The following GRIK2 variants were observed in gnomAD, a reference collection of about 807,000 sequenced individuals.
GRIK2 encodes glutamate ionotropic receptor kainate type subunit 2.
In GRIK2, 32 loss-of-function variants were observed where a neutral mutation model predicts 100.3. The ratio of observed to expected loss-of-function variants is 0.32; its 90% CI spans 0.24 to 0.43. The LOEUF (loss-of-function observed/expected upper bound fraction) is 0.43. GRIK2 is among the 20% of genes least tolerant of loss of function. The pLI is 1.00. For missense variants in GRIK2, 843 were observed against 1,114.9 expected (o/e 0.76, Z 3.47); for synonymous variants, 417 against 389.4 (o/e 1.07, Z -0.83).
intron 12 of GRIK2, among the ~76,000 whole-genome samples, chr6:101,909,230 TAAG>T (rs978108894): frequency 6.6e-6 from 1 of 150,404 alleles, no homozygotes; most frequent in Non-Finnish European, 1.5e-5. Context: ...GTACACCAAA[TAAG>T]AAAAAAATAT....
intron 10 of GRIK2, among the ~76,000 whole-genome samples, chr6:101,845,080 G>T (rs1783731745): frequency 6.6e-6 from 1 of 151,872 alleles, no homozygotes; most frequent in Non-Finnish European, 1.5e-5. Flanking sequence ...GAGAGTAGTG[G>T]TGCTATCATA....
chr6:101,831,935 A>C (rs571595126), intron 10 of GRIK2, among the ~76,000 whole-genome samples: 1 of 152,258 alleles, frequency 6.6e-6, no homozygotes, highest in African/African-American at 2.4e-5. Flanking sequence ...AGAATGCCTA[A>C]AATATAGTTT....
chr6:101,860,298 G>A (rs1562445327), intron 11 of GRIK2, among the ~76,000 whole-genome samples: 1 of 152,102 alleles, frequency 6.6e-6, no homozygotes, highest in Non-Finnish European at 1.5e-5. Flanking sequence ...ATAGTCTCTG[G>A]TTGGAAGCCA....
intron 12 of GRIK2, among the ~76,000 whole-genome samples, chr6:101,908,631 AATT>A (rs1348526725): frequency 2.0e-5 from 3 of 151,394 alleles, no homozygotes; most frequent in Non-Finnish European, 4.4e-5. Context: ...AATAGTAAAT[AATT>A]ATATAAAATA....
intron 4 of GRIK2, among the ~76,000 whole-genome samples, chr6:101,654,697 C>T (rs187066393): frequency 2.0e-3 from 311 of 152,230 alleles, no homozygotes; most frequent in Admixed American, 5.6e-3. Flanking sequence ...ACACTTCACC[C>T]GTGTCCCACC....
chr6:101,924,756 T>C (rs773566956), intron 13 of GRIK2, 37 bp downstream of exon 13: 3 of 1,274,604 alleles, frequency 2.4e-6, no homozygotes, highest in South Asian at 1.2e-5. Context: ...TTGGGCACCA[T>C]GTCCCACTCT....
intron 2 of GRIK2, among the ~76,000 whole-genome samples, chr6:101,442,934 A>G (rs987974661): frequency 1.3e-5 from 2 of 152,178 alleles, no homozygotes; most frequent in Admixed American, 6.6e-5. Context: ...CAAATAAATA[A>G]CATAAGATTC....
At chr6:101,440,150 GAAAAATA>G (rs1769962670) in intron 2 of GRIK2, among the ~76,000 whole-genome samples, 1 of 151,968 alleles carries the variant, frequency 6.6e-6, no homozygotes, top group Non-Finnish European at 1.5e-5. Context: ...GGGTATCAAA[GAAAAATA>G]TTTCCCTGGA....
chr6:101,731,276 T>C (rs1775249931), intron 7 of GRIK2, among the ~76,000 whole-genome samples: 1 of 152,020 alleles, frequency 6.6e-6, no homozygotes, highest in African/African-American at 2.4e-5. Flanking sequence ...AGTTACTCTA[T>C]TGTTTTTATG....
At chr6:101,605,679 C>CA (rs1779409726) in intron 2 of GRIK2, among the ~76,000 whole-genome samples, 1 of 151,834 alleles carries the variant, frequency 6.6e-6, no homozygotes, top group Admixed American at 6.6e-5. Flanking sequence ...ACTCCGTCTC[C>CA]AAAAAACAAA....
chr6:101,441,976 AG>A (rs35651392), intron 2 of GRIK2, among the ~76,000 whole-genome samples: 3 of 147,422 alleles, frequency 2.0e-5, no homozygotes, highest in Non-Finnish European at 4.5e-5. Context: ...AAAAAAAAAA[AG>A]GGGTGAACAG....
At chr6:101,595,732 A>G (rs1778898503) in intron 2 of GRIK2, among the ~76,000 whole-genome samples, 2 of 147,642 alleles carry the variant, frequency 1.4e-5, no homozygotes, top group Admixed American at 6.8e-5. Context: ...ATATATATAT[A>G]TATATATATT....
intron 2 of GRIK2, chr6:101,430,975 G>A (rs144353287): frequency 1.1e-5 from 3 of 276,992 alleles, no homozygotes; most frequent in Non-Finnish European, 2.3e-5. Context: ...ATGGCACTGT[G>A]TAAGTGACCC....
At chr6:101,894,891 C>T (rs763710216) in intron 12 of GRIK2, among the ~76,000 whole-genome samples, 10 of 151,618 alleles carry the variant, frequency 6.6e-5, no homozygotes, top group Non-Finnish European at 1.2e-4. Flanking sequence ...TAACTGAAGA[C>T]CAAACCTAAA....
intron 2 of GRIK2, among the ~76,000 whole-genome samples, chr6:101,463,767 A>G (rs763705967): frequency 6.6e-6 from 1 of 152,094 alleles, no homozygotes; most frequent in South Asian, 2.1e-4. Flanking sequence ...AGAGACTCCA[A>G]CATGCATGGA....
intron 2 of GRIK2, among the ~76,000 whole-genome samples, chr6:101,429,977 A>C (rs542188931): frequency 6.6e-6 from 1 of 152,200 alleles, no homozygotes; most frequent in African/African-American, 2.4e-5. Flanking sequence ...GGACTTCTCT[A>C]ACCTTTGTAG....
intron 2 of GRIK2, among the ~76,000 whole-genome samples, chr6:101,436,672 G>A (rs1380767709): frequency 1.3e-5 from 2 of 151,794 alleles, no homozygotes; most frequent in Non-Finnish European, 2.9e-5. Flanking sequence ...TTCATTTTAT[G>A]TATAAATCTT....
At chr6:101,604,558 A>G (rs748685141) in intron 2 of GRIK2, among the ~76,000 whole-genome samples, 4 of 151,870 alleles carry the variant, frequency 2.6e-5, no homozygotes, top group Admixed American at 6.6e-5. Flanking sequence ...AAGAATAGCC[A>G]TTTTCCAAAT....
At chr6:101,847,692 G>A (rs984840360) in intron 10 of GRIK2, among the ~76,000 whole-genome samples, 1 of 152,056 alleles carries the variant, frequency 6.6e-6, no homozygotes, top group South Asian at 2.1e-4. Context: ...CTTCCTGCTT[G>A]CATGGAGCCT....
Sources: gnomAD v4.1 joint callset for allele counts (sites outside exome capture counted in the v4.1 genomes callset) on GRCh38, gnomAD v4.1.1 for gene constraint, MANE v1.5 for transcripts, NCBI Gene and HGNC (gene_info 2026-07-23, HGNC 2026-07-21) for gene names.